Variants in RFT1 observed in about 807,000 individuals in gnomAD.
RFT1 encodes the protein man(5)GlcNAc(2)-PP-dolichol translocation protein RFT1.
A neutral mutation model predicts 62.2 loss-of-function variants in RFT1; 43 were observed. The observed-to-expected ratio is 0.69, with a 90% CI of 0.54 to 0.89. The LOEUF is 0.89. RFT1 is among the 40% of genes least tolerant of loss of function. RFT1 has a pLI of 0.00. For missense variants in RFT1, 605 were observed against 649.9 expected, an observed-to-expected ratio of 0.93 and a Z score of 0.75; for synonymous variants, 262 against 264.6, an observed-to-expected ratio of 0.99 and a Z score of 0.10.
At chr3:53,083,353 A>T in the RFT1 span, among the ~76,000 whole-genome samples, 1 of 121,856 alleles carries the variant, frequency 8.2e-6, no homozygotes, top group Non-Finnish European at 1.9e-5. Flanking sequence ...CTCTACTAAA[A>T]ATTAAAAAAA....
chr3:53,092,747 T>G (rs1000465442), intron 11 of RFT1, 129 bp from the exon 12 acceptor site: 3 of 1,081,900 alleles, frequency 2.8e-6, no homozygotes, highest in Non-Finnish European at 4.0e-6. Context: ...TTTCATAACA[T>G]CGAATGCTAC....
At chr3:53,092,225 C>A (rs1701011228) in intron 12 of RFT1, 144 bp downstream of exon 12, 2 of 1,415,270 alleles carry the variant, frequency 1.4e-6, no homozygotes, top group Admixed American at 3.9e-5. Context: ...TGGCAACATT[C>A]TCTTGTCACA....
intron 1 of RFT1, among the ~76,000 whole-genome samples, chr3:53,126,539 T>C (rs944156071): frequency 6.6e-6 from 1 of 152,208 alleles, no homozygotes; most frequent in African/African-American, 2.4e-5. Context: ...AATTAGAACA[T>C]AGAAAATGTA....
intron 1 of RFT1, among the ~76,000 whole-genome samples, chr3:53,129,209 C>CTCATT (rs1393802191): frequency 6.6e-6 from 1 of 152,216 alleles, no homozygotes; most frequent in Non-Finnish European, 1.5e-5. Context: ...CATAGGTTAT[C>CTCATT]TCATTTCATT....
Position 53,105,697 on chromosome 3 carries a change from T to G in RFT1, c.933A>C (p.Gly311=). ...CCTGCTTCTGAAGTGTGGCATCCTTTCCCCTCTCCAGCACCTTAGCAAAAA... is the reference window on the plus strand; with the variant it reads ...CCTGCTTCTGAAGTGTGGCATCCTTGCCCCTCTCCAGCACCTTAGCAAAAA... The part of the protein sequence containing the change: ...YIFFAKVLER[G]KDATLQKQED... The change falls in exon 9 of 13, where the codon GGA becomes GGC. Residue 311 remains glycine (G), a synonymous_variant. Coordinates refer to ENST00000296292, the MANE Select transcript of RFT1 (RefSeq NM_052859.4). 1 of 1,613,862 alleles carries G rather than the reference T, an allele frequency of 6.2e-7. No individual in the cohort carries two copies. The highest frequency in any genetic ancestry group is 2.2e-5 in the East Asian group (1 of 44,862).
chr3:53,121,726 C>T lies in RFT1; in HGVS notation c.531G>A (p.Trp177Ter), dbSNP rs1701973575. Residue 177 changes from tryptophan to a stop codon, truncating the protein, a stop_gained, in exon 5 of 13, where the codon TGG becomes TGA. Transcript: ENST00000296292. LOFTEE classifies it high-confidence loss of function. ...TAFLVLWLPHWGLYIFSLAQL... is the reference protein window; with the variant it reads ...TAFLVLWLPH ...GGGCCAAAGAGAAAATGTACAATCC[C>T]CAGTGAGGCAACCACAGCACGAGAA... The T allele has an allele frequency of 6.2e-7, 1 of 1,613,858 alleles. No homozygotes were observed. Among genetic ancestry groups the T allele is most frequent in the Admixed American group, 1.7e-5 (1 of 59,988 alleles).
At chr3:53,107,160 G>C (rs1450066449) in intron 7 of RFT1, among the ~76,000 whole-genome samples, 1 of 148,004 alleles carries the variant, frequency 6.8e-6, no homozygotes, top group Non-Finnish European at 1.5e-5. Context: ...TTTTGAGACG[G>C]AGTCTCGCTC....
intron 11 of RFT1, among the ~76,000 whole-genome samples, chr3:53,096,902 G>A (rs1049038695): frequency 6.1e-4 from 92 of 151,814 alleles, no homozygotes; most frequent in African/African-American, 2.2e-3. Flanking sequence ...GCGCCCCTAC[G>A]CCCAGCTAAT....
intron 5 of RFT1, among the ~76,000 whole-genome samples, chr3:53,121,354 C>T (rs1701961712): frequency 6.6e-6 from 1 of 152,152 alleles, no homozygotes; most frequent in Admixed American, 6.5e-5. Context: ...TTGATTCCCA[C>T]CCCACCCCCC....
At chr3:53,073,083 C>T in the RFT1 span, among the ~76,000 whole-genome samples, 1 of 152,250 alleles carries the variant, frequency 6.6e-6, no homozygotes, top group Non-Finnish European at 1.5e-5. Context: ...CTGGGTGGTC[C>T]TGGGCTGTGC....
At chr3:53,099,513 C>G in intron 10 of RFT1, 27 bp from the exon 11 acceptor site, 1 of 1,579,536 alleles carries the variant, frequency 6.3e-7, no homozygotes, top group Non-Finnish European at 8.7e-7. Flanking sequence ...CACTGAGACT[C>G]CAGAGCCCAA....
At chr3:53,097,490 CAT>C (rs1188715918) in intron 11 of RFT1, among the ~76,000 whole-genome samples, 2 of 152,256 alleles carry the variant, frequency 1.3e-5, no homozygotes, top group Admixed American at 6.5e-5. Context: ...TAATTTTCCA[CAT>C]GTTTATATAC....
chr3:53,083,768 T>C (rs1700803564), downstream of RFT1, among the ~76,000 whole-genome samples: 1 of 152,204 alleles, frequency 6.6e-6, no homozygotes, highest in Non-Finnish European at 1.5e-5. Flanking sequence ...AATAAACAAA[T>C]GCAAGTCACT....
In RFT1 at chr3:53,106,815, T is replaced by C; in HGVS notation, c.826+4A>G. On this transcript the variant is annotated splice_donor_region_variant and intron_variant, in intron 8 of 12. Transcript: ENST00000296292. The stretch of plus-strand genomic sequence containing the variant: ...AATTAAAACACTACAGAATTTCATC[T>C]TACCCTGATCACCAAAGTTCAATAC... The C allele has an allele frequency of 6.2e-7, 1 of 1,609,760 alleles. No individual in the cohort carries two copies. Among genetic ancestry groups the C allele is most frequent in the Non-Finnish European group, 8.5e-7 (1 of 1,176,154 alleles).
chr3:53,106,098 T>C (rs1362750648), intron 8 of RFT1, among the ~76,000 whole-genome samples: 1 of 151,982 alleles, frequency 6.6e-6, no homozygotes, highest in Non-Finnish European at 1.5e-5. Flanking sequence ...CCAGGCGTGG[T>C]GGTGTGCATT....
chr3:53,074,915 C>G, the RFT1 span, among the ~76,000 whole-genome samples: 6 of 152,190 alleles, frequency 3.9e-5, no homozygotes, highest in African/African-American at 1.4e-4. Flanking sequence ...GAAGCAGGGA[C>G]TGGCCCTTAG....
chr3:53,077,543 G>C, the RFT1 span: 2 of 152,300 alleles, frequency 1.3e-5, no homozygotes, highest in Non-Finnish European at 2.9e-5. Context: ...CCCTTCCTCG[G>C]CTGTTCCGCT....
In RFT1 at chr3:53,120,251, C is replaced by G. The variant is rs73088350; in HGVS notation, c.559-230G>C. ...TTAACTGGAAGAACATAATTCTTCT[C>G]GGCAGGCAGAATGTAATTTCCATAA... On this transcript the variant is annotated intron_variant, in intron 5 of 12. Transcript: ENST00000296292. Among the ~76,000 whole-genome samples, 7,535 of 152,244 alleles carry G rather than the reference C, an allele frequency of 0.049. 238 individuals carry two copies. Among genetic ancestry groups the G allele is most frequent in the Non-Finnish European group, 0.073 (4,979 of 68,004 alleles).
chr3:53,108,195 T>C (rs931446823), intron 7 of RFT1, among the ~76,000 whole-genome samples: 22 of 149,198 alleles, frequency 1.5e-4, no homozygotes, highest in African/African-American at 5.0e-4. Context: ...ATTACAGGTG[T>C]CCACCACCAA....
Sources: gnomAD v4.1 joint callset for allele counts (sites outside exome capture counted in the v4.1 genomes callset) on GRCh38, gnomAD v4.1.1 for gene constraint, MANE v1.5 for transcripts, NCBI Gene and HGNC (gene_info 2026-07-23, HGNC 2026-07-21) for gene names.